Variants in MYCBP2 observed in about 807,000 individuals in gnomAD.
MYCBP2 encodes the protein MYC binding protein 2.
MYCBP2 carries 120 observed loss-of-function variants against 525.3 expected under a neutral mutation model. The ratio of observed to expected loss-of-function variants is 0.23; its 90% confidence interval spans 0.20 to 0.27. MYCBP2 has a LOEUF of 0.27. MYCBP2 is among the 10% of genes least tolerant of loss of function. The pLI is 1.00. For missense variants in MYCBP2, 4,149 were observed against 5,657.1 expected, an observed-to-expected ratio of 0.73 and a Z score of 8.55; for synonymous variants, 1,894 against 1,955.8, an observed-to-expected ratio of 0.97 and a Z score of 0.83.
intron 11 of MYCBP2, 117 bp downstream of exon 11, chr13:77,261,936 C>T: frequency 1.3e-6 from 1 of 781,286 alleles, no homozygotes; most frequent in Non-Finnish European, 1.9e-6. Context: ...AATTTTAAAT[C>T]AAAATTTAAA....
chr13:77,074,538 C>G (rs191467595), intron 68 of MYCBP2, among the ~76,000 whole-genome samples: 1 of 152,212 alleles, frequency 6.6e-6, no homozygotes, highest in African/African-American at 2.4e-5. Context: ...GGTAAAAGAC[C>G]TGCAAAGATC....
chr13:77,302,861 A>G (rs989177564), intron 1 of MYCBP2, among the ~76,000 whole-genome samples: 2 of 152,256 alleles, frequency 1.3e-5, no homozygotes, highest in Non-Finnish European at 2.9e-5. Flanking sequence ...TTAGGAAATC[A>G]TAACACTCCT....
chr13:77,077,895 A>T (rs538960385), intron 66 of MYCBP2: 34 of 152,678 alleles, frequency 2.2e-4, no homozygotes, highest in Non-Finnish European at 4.5e-4. Flanking sequence ...CACACTTGTG[A>T]TTCCTTATTT....
intron 1 of MYCBP2, among the ~76,000 whole-genome samples, chr13:77,317,735 G>A (rs141361966): frequency 0.013 from 2,020 of 152,128 alleles, 43 homozygotes; most frequent in African/African-American, 0.044. Flanking sequence ...TCAGGAGTTC[G>A]AGACCATCCT....
intron 73 of MYCBP2, 25 bp from the exon 74 acceptor site, chr13:77,062,722 C>A (rs1310398810): frequency 6.3e-7 from 1 of 1,584,984 alleles, no homozygotes; most frequent in Non-Finnish European, 8.7e-7. Flanking sequence ...GGCTGTTACA[C>A]CACTGAATTT....
At chr13:77,297,138 T>TCTG (rs2078275383) in intron 1 of MYCBP2, among the ~76,000 whole-genome samples, 3 of 152,192 alleles carry the variant, frequency 2.0e-5, no homozygotes, top group Admixed American at 2.0e-4. Flanking sequence ...CAGCAGCCAG[T>TCTG]CTGGATACTT....
chr13:77,228,010 GTCTTAA>G (rs1443473807), intron 18 of MYCBP2, among the ~76,000 whole-genome samples: 3 of 151,946 alleles, frequency 2.0e-5, no homozygotes, highest in Non-Finnish European at 2.9e-5. Flanking sequence ...TGAGATGAGG[GTCTTAA>G]TCTTTATCAG....
At chr13:77,126,708 C>G (rs1474345654) in intron 52 of MYCBP2, among the ~76,000 whole-genome samples, 166 bp from the exon 53 acceptor site, 1 of 152,076 alleles carries the variant, frequency 6.6e-6, no homozygotes, top group African/African-American at 2.4e-5. Flanking sequence ...ATTAAAGAAT[C>G]TCAGTTTTTC....
chr13:77,149,200 C>T (rs1264450918), intron 47 of MYCBP2, among the ~76,000 whole-genome samples: 3 of 152,096 alleles, frequency 2.0e-5, no homozygotes, highest in Admixed American at 6.6e-5. Context: ...TGTGTTGCTT[C>T]TTTGGCTAGT....
At chr13:77,288,921 C>T (rs930362623) in intron 2 of MYCBP2, among the ~76,000 whole-genome samples, 8 of 152,132 alleles carry the variant, frequency 5.3e-5, no homozygotes, top group Non-Finnish European at 1.2e-4. Context: ...TCTCTCTCAC[C>T]TATCAGTATT....
In MYCBP2 at chr13:77,057,088, A is replaced by T; in HGVS notation, c.13335T>A (p.Asp4445Glu). Residue 4445 changes from aspartate to glutamate, a missense_variant, in exon 79 of 83, where the codon GAT (aspartate) becomes GAA (glutamate). Physicochemically the swap from Asp to Glu is conservative, Grantham distance 45. Coordinates refer to ENST00000544440, the MANE Select transcript of MYCBP2 (RefSeq NM_015057.5). Reference sequence around the variant, plus strand: ...ACTGTAAGTGGAATATGTGACTACAATCCAGCTTAAATAAACAAAAGAAAA... The same window carrying T: ...ACTGTAAGTGGAATATGTGACTACATTCCAGCTTAAATAAACAAAAGAAAA... ...ALSAAPAIQL[D>E]CSHIFHLQCC... is the part of the protein sequence containing the mutation. 6.2e-7 allele frequency: 1 copy of T among 1,609,210 alleles called. No individual in the cohort carries two copies. The highest frequency in any genetic ancestry group is 1.3e-5 in the African/African-American group (1 of 74,946).
intron 55 of MYCBP2, among the ~76,000 whole-genome samples, chr13:77,102,660 A>G (rs1468437968): frequency 6.6e-6 from 1 of 151,596 alleles, no homozygotes. Flanking sequence ...TAGGAAAACA[A>G]TATTAGAAAA....
chr13:77,121,230 T>C (rs758462500), intron 55 of MYCBP2, 143 bp downstream of exon 55: 159 of 814,764 alleles, frequency 2.0e-4, no homozygotes, highest in Non-Finnish European at 2.5e-4. Flanking sequence ...AACACCTTTG[T>C]AAACATTTTT....
At position 77,088,777 on chromosome 13, in the gene MYCBP2, T is replaced by C; in HGVS notation, c.10725+55A>G. 25 of 1,461,100 alleles carry C rather than the reference T, an allele frequency of 1.7e-5. No homozygotes were observed. The South Asian group carries it at 2.8e-4, about 17-fold the overall frequency. The allele number at this position is 1,461,100 out of a possible 1,614,324, so 90.5% of individuals were successfully genotyped here. The stretch of plus-strand genomic sequence containing the variant: ...AAAAAAGTGGCATCGTGAAATAGAA[T>C]CATCACATGATTTGTATAATCAATG... On this transcript the variant is annotated intron_variant, in intron 61 of 82. Transcript: ENST00000544440.
In MYCBP2 at chr13:77,225,486, A is replaced by G. The variant is rs779134833; in HGVS notation, c.2806T>C (p.Phe936Leu). ...ITTYPPGSVR[F>L]DCELRAVQVS... ...TGGACTGCCCGGAGCTCACAGTCAA[A>G]TCGCACAGAGCCTGGAGGGTATGTT... Residue 936 changes from phenylalanine (F) to leucine (L), a missense_variant, in exon 19 of 83, where the codon TTT becomes CTT. Around this residue, in one of 21 missense-constraint regions of MYCBP2, gnomAD observed 620 missense variants for 795.5 expected, o/e 0.78. Transcript: ENST00000544440. 6.2e-7 allele frequency: 1 copy of G among 1,613,818 alleles called. No homozygotes were observed. The highest frequency in any genetic ancestry group is 1.7e-5 in the Admixed American group (1 of 59,932).
intron 61 of MYCBP2, among the ~76,000 whole-genome samples, chr13:77,088,583 A>G (rs2044779487): frequency 6.6e-6 from 1 of 152,140 alleles, no homozygotes; most frequent in Non-Finnish European, 1.5e-5. Context: ...AAAAAAGATA[A>G]TCTCAAGATT....
chr13:77,220,685 A>G (rs527845961), intron 20 of MYCBP2, among the ~76,000 whole-genome samples: 7 of 152,290 alleles, frequency 4.6e-5, no homozygotes, highest in Middle Eastern at 3.4e-3. Context: ...TAGTTAATAC[A>G]TATGCTATAG....
In MYCBP2 at chr13:77,062,671, A is replaced by G. The variant is rs1055258707; in HGVS notation, c.12699T>C (p.Cys4233=). ...GATCTACGTGGTCCTGATCAAGAAC[A>G]CATAGGGATGCGAGAGCAAGCCAGA... The part of the protein sequence containing the change: ...TRLWLALASL[C]VLDQDHVDRL... Residue 4233 remains cysteine (C), a synonymous_variant, in exon 74 of 83, where the codon TGT becomes TGC. Transcript: ENST00000544440. 1.2e-6 allele frequency: 2 copies of G among 1,614,216 alleles called. No individual in the cohort carries two copies. Among genetic ancestry groups the G allele is most frequent in the Admixed American group, 1.7e-5 (1 of 60,028 alleles).
At chr13:77,164,891 G>A (rs147212736) in intron 42 of MYCBP2, among the ~76,000 whole-genome samples, 3 of 152,318 alleles carry the variant, frequency 2.0e-5, no homozygotes, top group Non-Finnish European at 2.9e-5. Context: ...CAACTGAGCA[G>A]GTTCAGGGCA....
Sources: gnomAD v4.1 joint callset for allele counts (sites outside exome capture counted in the v4.1 genomes callset) on GRCh38, gnomAD v4.1.1 for gene constraint, gnomAD v4.1.1 regional missense constraint, MANE v1.5 for transcripts, NCBI Gene and HGNC (gene_info 2026-07-23, HGNC 2026-07-21) for gene names.